The following EHBP1 variants were observed in gnomAD, a reference collection of about 807,000 sequenced individuals.
EHBP1 encodes the protein EH domain-binding protein 1.
Under a neutral mutation model 144.0 loss-of-function variants are expected in EHBP1, and 55 were observed. The observed-to-expected ratio is 0.38, with a 90% CI of 0.31 to 0.48. The LOEUF (loss-of-function observed/expected upper bound fraction) is 0.48. EHBP1 is among the 20% of genes least tolerant of loss of function. EHBP1 has a pLI of 0.98. For synonymous variants in EHBP1, 469 were observed against 472.7 expected (o/e 0.99, Z 0.10); for missense variants, 1,200 against 1,364.2 (o/e 0.88, Z 1.90).
chr2:63,020,041 T>C (rs1478149636), intron 19 of EHBP1, among the ~76,000 whole-genome samples: 1 of 150,592 alleles, frequency 6.6e-6, no homozygotes, highest in Non-Finnish European at 1.5e-5. Flanking sequence ...GTACGAAAAT[T>C]AAGGCCGGGC....
At chr2:62,725,603 G>A (rs1276483194) in intron 2 of EHBP1, among the ~76,000 whole-genome samples, 1 of 152,196 alleles carries the variant, frequency 6.6e-6, no homozygotes, top group Admixed American at 6.5e-5. Flanking sequence ...TGGTACAAAG[G>A]CAGGGTGCTG....
intron 8 of EHBP1, among the ~76,000 whole-genome samples, chr2:62,864,004 A>C (rs567900578): frequency 2.0e-5 from 3 of 149,864 alleles, no homozygotes; most frequent in African/African-American, 7.3e-5. Flanking sequence ...CCGCCACCCC[A>C]CCCGGCTAGT....
intron 8 of EHBP1, among the ~76,000 whole-genome samples, chr2:62,860,770 A>G (rs931969742): frequency 2.0e-5 from 3 of 152,156 alleles, no homozygotes; most frequent in African/African-American, 7.2e-5. Flanking sequence ...AGTTTTCTAA[A>G]TGTAAGTCTG....
intron 5 of EHBP1, among the ~76,000 whole-genome samples, chr2:62,811,658 A>G (rs2152534408): frequency 6.6e-6 from 1 of 152,302 alleles, no homozygotes; most frequent in South Asian, 2.1e-4. Context: ...AAAAGTACCC[A>G]CAAACAAATT....
intron 14 of EHBP1, among the ~76,000 whole-genome samples, chr2:62,973,666 G>A (rs1424451312): frequency 6.6e-6 from 1 of 152,192 alleles, no homozygotes; most frequent in Non-Finnish European, 1.5e-5. Flanking sequence ...TATCAATCCT[G>A]TAATTTCTTT....
intron 10 of EHBP1, among the ~76,000 whole-genome samples, chr2:62,921,767 A>T (rs1349317500): frequency 6.6e-6 from 1 of 152,234 alleles, no homozygotes; most frequent in African/African-American, 2.4e-5. Flanking sequence ...TTAATTACTA[A>T]TTATCTACTC....
intron 5 of EHBP1, among the ~76,000 whole-genome samples, chr2:62,816,465 G>A (rs890302065): frequency 1.3e-5 from 2 of 152,156 alleles, no homozygotes; most frequent in Admixed American, 1.3e-4. Flanking sequence ...CTCAAATAAA[G>A]TGTATAAAGG....
intron 1 of EHBP1, among the ~76,000 whole-genome samples, chr2:62,684,208 C>A (rs866986245): frequency 1.7e-4 from 26 of 151,980 alleles, no homozygotes; most frequent in Middle Eastern, 3.4e-3. Flanking sequence ...AAATATAACG[C>A]CAAGCAATGG....
intron 3 of EHBP1, among the ~76,000 whole-genome samples, chr2:62,755,961 C>T (rs764920192): frequency 9.2e-5 from 14 of 151,654 alleles, no homozygotes; most frequent in Non-Finnish European, 7.4e-5. Context: ...TAAGGAAATG[C>T]GTTAGATTAT....
chr2:62,993,693 T>C, intron 17 of EHBP1, 25 bp downstream of exon 17: 1 of 1,493,328 alleles, frequency 6.7e-7, no homozygotes, highest in South Asian at 1.4e-5. Flanking sequence ...AAAATGTTTT[T>C]CCATGTTATG....
At chr2:62,990,335 AAAT>A (rs1309650256) in intron 15 of EHBP1, among the ~76,000 whole-genome samples, 3 of 152,166 alleles carry the variant, frequency 2.0e-5, no homozygotes, top group African/African-American at 7.2e-5. Context: ...GAAAACTACA[AAAT>A]AATATTCAAA....
chr2:62,942,920 C>T, intron 11 of EHBP1, 24 bp downstream of exon 11: 1 of 1,507,578 alleles, frequency 6.6e-7, no homozygotes, highest in Non-Finnish European at 9.0e-7. Flanking sequence ...TTTTCCATTC[C>T]CTATATTTTG....
chr2:62,783,947 C>T, intron 5 of EHBP1, among the ~76,000 whole-genome samples: 1 of 152,212 alleles, frequency 6.6e-6, no homozygotes, highest in South Asian at 2.1e-4. Flanking sequence ...TCTGCTTCCT[C>T]CTGAATGCTT....
intron 2 of EHBP1, among the ~76,000 whole-genome samples, chr2:62,725,639 T>G (rs1039584104): frequency 6.6e-6 from 1 of 152,156 alleles, no homozygotes; most frequent in Non-Finnish European, 1.5e-5. Context: ...GATGGCTCTG[T>G]GCCTGCCGAG....
intron 3 of EHBP1, among the ~76,000 whole-genome samples, chr2:62,748,082 CAT>C (rs1348356132): frequency 6.6e-6 from 1 of 152,038 alleles, no homozygotes; most frequent in Non-Finnish European, 1.5e-5. Context: ...CCTTGAATAA[CAT>C]AATAGTTAAG....
chr2:62,958,736 G>A (rs187207675), intron 14 of EHBP1, among the ~76,000 whole-genome samples: 1 of 152,140 alleles, frequency 6.6e-6, no homozygotes. Flanking sequence ...ATATTTACAA[G>A]AACATTAAAA....
chr2:62,752,476 C>G (rs921653333), intron 3 of EHBP1, among the ~76,000 whole-genome samples: 3 of 152,126 alleles, frequency 2.0e-5, no homozygotes, highest in Admixed American at 1.3e-4. Flanking sequence ...GTGGAGAGTT[C>G]TATAGATGTC....
chr2:62,887,764 T>C (rs916856608), intron 10 of EHBP1, among the ~76,000 whole-genome samples: 1 of 152,098 alleles, frequency 6.6e-6, no homozygotes, highest in Non-Finnish European at 1.5e-5. Context: ...GCTAGCTAGA[T>C]AGATGATAGC....
At chr2:62,975,082 G>A (rs1232228711) in intron 14 of EHBP1, among the ~76,000 whole-genome samples, 1 of 152,162 alleles carries the variant, frequency 6.6e-6, no homozygotes, top group Non-Finnish European at 1.5e-5. Context: ...AGAGTCTGAG[G>A]TCATCTAAAG....
Sources: allele counts gnomAD v4.1 joint callset (sites outside exome capture counted in the v4.1 genomes callset), GRCh38; gene constraint gnomAD v4.1.1; transcripts MANE v1.5; gene names NCBI Gene and HGNC (gene_info 2026-07-23, HGNC 2026-07-21).